MBOAT2: variants seen among roughly 807,000 people sequenced by gnomAD.
The protein encoded by MBOAT2 is membrane-bound glycerophospholipid O-acyltransferase 2.
MBOAT2 carries 28 observed loss-of-function variants against 63.4 expected under a neutral mutation model. The ratio of observed to expected loss-of-function variants is 0.44; its 90% CI spans 0.33 to 0.61. The LOEUF (loss-of-function observed/expected upper bound fraction) is 0.61. Among genes scored for constraint, MBOAT2 ranks in the 20% least tolerant of loss-of-function variants. MBOAT2 has a pLI of 0.03. For missense variants in MBOAT2, 470 were observed against 605.8 expected, an observed-to-expected ratio of 0.78 and a Z score of 2.35; for synonymous variants, 211 against 215.6, an observed-to-expected ratio of 0.98 and a Z score of 0.19.
At chr2:8,977,323 T>C (rs1042597671) in intron 1 of MBOAT2, among the ~76,000 whole-genome samples, 1 of 152,154 alleles carries the variant, frequency 6.6e-6, no homozygotes, top group African/African-American at 2.4e-5. Context: ...GGGTATTTCA[T>C]TGAAGTTACA....
At chr2:8,889,096 G>A (rs577045745) in intron 4 of MBOAT2, among the ~76,000 whole-genome samples, 75 of 152,292 alleles carry the variant, frequency 4.9e-4, no homozygotes, top group African/African-American at 1.8e-3. Context: ...TGTGGCGCAC[G>A]CAGCATCACC....
chr2:8,980,598 G>A (rs1465557538), intron 1 of MBOAT2, among the ~76,000 whole-genome samples: 2 of 151,918 alleles, frequency 1.3e-5, no homozygotes, highest in African/African-American at 4.8e-5. Flanking sequence ...CCAATACAAG[G>A]CAACAAAAAC....
rs369477072 is a variant in MBOAT2, at chr2:8,858,425, G to A, written c.*254C>T. 7.2e-4 allele frequency: 290 copies of A among 401,266 alleles called. 1 individual carries two copies. The highest frequency in any genetic ancestry group is 5.2e-3 in the African/African-American group (261 of 50,028). The allele number at this position is 401,266 out of a possible 1,614,324, so 24.9% of individuals were successfully genotyped here. On this transcript the variant is annotated 3_prime_UTR_variant, in exon 13 of 13. Transcript: ENST00000305997. ...CAACAGGGCACGCGTGTGACCCTAC[G>A]GACAAGTGCTGAGGTTGGGAGTGCC...
chr2:8,888,197 A>C, intron 4 of MBOAT2, 124 bp from the exon 5 acceptor site: 5 of 834,530 alleles, frequency 6.0e-6, no homozygotes, highest in Non-Finnish European at 9.5e-6. Context: ...AACATAAAAA[A>C]GACCTCCAAG....
intron 1 of MBOAT2, among the ~76,000 whole-genome samples, chr2:8,997,044 G>A (rs987222738): frequency 3.3e-5 from 5 of 152,146 alleles, no homozygotes; most frequent in Non-Finnish European, 7.4e-5. Flanking sequence ...CCGATCTCCT[G>A]AATCCTGAGC....
intron 2 of MBOAT2, among the ~76,000 whole-genome samples, chr2:8,952,576 G>A (rs1668909326): frequency 6.6e-6 from 1 of 152,188 alleles, no homozygotes; most frequent in Non-Finnish European, 1.5e-5. Context: ...AGAAGTACCT[G>A]TCTTATCAAT....
chr2:8,931,113 C>A (rs142822443), intron 3 of MBOAT2, among the ~76,000 whole-genome samples: 3 of 152,232 alleles, frequency 2.0e-5, no homozygotes, highest in Non-Finnish European at 4.4e-5. Context: ...GCCACACTGT[C>A]TTCCACAATG....
At chr2:8,955,485 T>C (rs897811680) in intron 2 of MBOAT2, among the ~76,000 whole-genome samples, 14 of 152,240 alleles carry the variant, frequency 9.2e-5, no homozygotes, top group African/African-American at 3.4e-4. Flanking sequence ...CTTCAGGATC[T>C]GGGGTGTCCT....
chr2:8,936,756 C>CA (rs1667685234), intron 3 of MBOAT2, among the ~76,000 whole-genome samples: 1 of 122,512 alleles, frequency 8.2e-6, no homozygotes, highest in South Asian at 2.4e-4. Context: ...CCACCGCACT[C>CA]AGCCTGAGCT....
intron 1 of MBOAT2, among the ~76,000 whole-genome samples, chr2:8,984,951 T>C (rs1671453889): frequency 6.6e-6 from 1 of 152,054 alleles, no homozygotes; most frequent in African/African-American, 2.4e-5. Context: ...GGGCCAGTGT[T>C]CTCCTGGAGA....
At chr2:8,995,053 G>C (rs1028492161) in intron 1 of MBOAT2, among the ~76,000 whole-genome samples, 6 of 151,650 alleles carry the variant, frequency 4.0e-5, no homozygotes, top group Non-Finnish European at 4.4e-5. Context: ...AGGGGTCGGG[G>C]GTTGAATAAG....
At chr2:8,901,616 A>G (rs1037221730) in intron 4 of MBOAT2, among the ~76,000 whole-genome samples, 1 of 152,194 alleles carries the variant, frequency 6.6e-6, no homozygotes, top group Non-Finnish European at 1.5e-5. Flanking sequence ...ATGAATAGGA[A>G]GGATACAATT....
chr2:8,887,467 C>G (rs1663643998), intron 5 of MBOAT2, among the ~76,000 whole-genome samples: 1 of 152,140 alleles, frequency 6.6e-6, no homozygotes, highest in African/African-American at 2.4e-5. Context: ...GCTCCGCAGG[C>G]TACATACAAA....
intron 1 of MBOAT2, among the ~76,000 whole-genome samples, chr2:8,993,777 T>C (rs1029537449): frequency 6.6e-6 from 1 of 152,190 alleles, no homozygotes; most frequent in African/African-American, 2.4e-5. Flanking sequence ...CCCTGTGTCT[T>C]GTTCACCACC....
At chr2:8,943,924 C>T (rs760316471) in intron 2 of MBOAT2, among the ~76,000 whole-genome samples, 11 of 152,082 alleles carry the variant, frequency 7.2e-5, no homozygotes, top group East Asian at 1.9e-4. Context: ...AGTACAGTGG[C>T]GCGATCTCAG....
intron 3 of MBOAT2, among the ~76,000 whole-genome samples, chr2:8,927,763 C>T (rs1227618331): frequency 6.6e-6 from 1 of 152,158 alleles, no homozygotes; most frequent in Non-Finnish European, 1.5e-5. Flanking sequence ...CCTCAACTCT[C>T]GAGTCTGTCA....
intron 1 of MBOAT2, among the ~76,000 whole-genome samples, chr2:8,982,964 A>G (rs574871044): frequency 6.6e-6 from 1 of 152,328 alleles, no homozygotes; most frequent in South Asian, 2.1e-4. Flanking sequence ...GTTTTGAATA[A>G]TAAGTCATGG....
intron 8 of MBOAT2, 68 bp from the exon 9 acceptor site, chr2:8,868,617 G>T: frequency 7.9e-7 from 1 of 1,264,662 alleles, no homozygotes; most frequent in Non-Finnish European, 1.1e-6. Context: ...TCTCCCAGAA[G>T]GTATGTGTTA....
At chr2:8,894,269 T>G (rs1664253188) in intron 4 of MBOAT2, among the ~76,000 whole-genome samples, 1 of 152,152 alleles carries the variant, frequency 6.6e-6, no homozygotes, top group Admixed American at 6.5e-5. Context: ...AAGGCTTGGT[T>G]CGGTAGGGTG....
Sources: gnomAD v4.1 joint callset for allele counts (sites outside exome capture counted in the v4.1 genomes callset) on GRCh38, gnomAD v4.1.1 for gene constraint, MANE v1.5 for transcripts, NCBI Gene and HGNC (gene_info 2026-07-23, HGNC 2026-07-21) for gene names.